CD99L2: variants seen among roughly 807,000 people sequenced by gnomAD.
CD99L2 encodes CD99 antigen-like protein 2.
A neutral mutation model predicts 27.3 loss-of-function variants in CD99L2; 24 were observed. The ratio of observed to expected loss-of-function variants is 0.88; its 90% CI spans 0.64 to 1.24. CD99L2 has a LOEUF of 1.24. Among genes scored for constraint, CD99L2 ranks in the 50% most tolerant of loss-of-function variants. The pLI, the probability that CD99L2 is intolerant of heterozygous loss-of-function variation, is 0.00. For synonymous variants in CD99L2, 97 were observed against 87.9 expected (o/e 1.10, Z -0.58); for missense variants, 255 against 221.6 (o/e 1.15, Z -0.96).
Position 150,814,844 on chromosome X carries a change from C to G in CD99L2, c.277+18G>C. On this transcript the variant is annotated intron_variant, in intron 4 of 10. Coordinates refer to ENST00000370377, the MANE Select transcript of CD99L2 (RefSeq NM_031462.4). ...ATGAGACAGAATCCTGTAGTAGTTT[C>G]AACCAGCAAAGACTTACCTCTTCCT... The G allele has an allele frequency of 8.5e-7, 1 of 1,172,770 alleles. No homozygotes were observed.
chrX:150,873,422 T>C (rs1251030834), intron 1 of CD99L2, among the ~76,000 whole-genome samples: 12 of 111,681 alleles, frequency 1.1e-4, no homozygotes, highest in Admixed American at 4.8e-4. Flanking sequence ...GGGACAAATA[T>C]GGAGTGACTG....
At chrX:150,769,658 G>GGA (rs2043383713) in intron 10 of CD99L2, among the ~76,000 whole-genome samples, 1 of 109,139 alleles carries the variant, frequency 9.2e-6, no homozygotes, top group South Asian at 3.7e-4. Context: ...ACTCGCCTGA[G>GGA]CTGTCCTAGT....
chrX:150,794,081 G>C (rs782814481), intron 6 of CD99L2, among the ~76,000 whole-genome samples: 3 of 111,571 alleles, frequency 2.7e-5, no homozygotes, highest in African/African-American at 9.8e-5. Context: ...CATCAAAAAG[G>C]AGATTATCCT....
At chrX:150,896,245 A>G (rs1557423084) in intron 1 of CD99L2, among the ~76,000 whole-genome samples, 4 of 109,517 alleles carry the variant, frequency 3.7e-5, no homozygotes. Flanking sequence ...TAAAAATACA[A>G]AAATTAGCCG....
chrX:150,804,952 G>A (rs782170333), intron 4 of CD99L2, among the ~76,000 whole-genome samples: 22 of 111,890 alleles, frequency 2.0e-4, no homozygotes, highest in Admixed American at 1.0e-3. Context: ...TTGGGAGGCC[G>A]AGGCAGGAGG....
At chrX:150,874,492 G>C (rs1166082159) in intron 1 of CD99L2, among the ~76,000 whole-genome samples, 1 of 107,403 alleles carries the variant, frequency 9.3e-6, no homozygotes, top group Non-Finnish European at 1.9e-5. Context: ...AGGAGTAAGA[G>C]GGTTCTGAGA....
At chrX:150,846,736 CCCAGTGCTTGATAAG>C (rs782156556) in intron 1 of CD99L2, among the ~76,000 whole-genome samples, 4 of 111,678 alleles carry the variant, frequency 3.6e-5, no homozygotes, top group African/African-American at 9.8e-5. Context: ...TCTAAACTCA[CCCAGTGCTTGATAAG>C]CCTTTAGATT....
At chrX:150,897,082 T>C (rs781924583) in intron 1 of CD99L2, among the ~76,000 whole-genome samples, 30 of 112,579 alleles carry the variant, frequency 2.7e-4, no homozygotes, top group Non-Finnish European at 2.4e-4. Context: ...ACTTTCAAGA[T>C]TTCCATGTCA....
chrX:150,892,465 G>A (rs2047530380), intron 1 of CD99L2, among the ~76,000 whole-genome samples: 3 of 106,993 alleles, frequency 2.8e-5, no homozygotes, highest in Admixed American at 1.0e-4. Flanking sequence ...AATTAGCCAG[G>A]TGTGGTGACA....
intron 1 of CD99L2, among the ~76,000 whole-genome samples, chrX:150,850,830 TTTTC>T (rs1364914517): frequency 1.8e-5 from 2 of 110,421 alleles, no homozygotes; most frequent in Non-Finnish European, 3.8e-5. Context: ...GAGTACTTTT[TTTTC>T]TTTCTTTTTT....
intron 1 of CD99L2, among the ~76,000 whole-genome samples, chrX:150,856,126 C>A (rs191609262): frequency 2.5e-4 from 28 of 112,974 alleles, no homozygotes; most frequent in Admixed American, 2.0e-3. Context: ...TGGCATCTGC[C>A]ATTTCCTGGG....
chrX:150,778,707 TATA>T (rs2045458171), intron 7 of CD99L2, among the ~76,000 whole-genome samples: 3 of 99,464 alleles, frequency 3.0e-5, no homozygotes, highest in Non-Finnish European at 6.0e-5. Flanking sequence ...TATATATATA[TATA>T]AATAAAAGAT....
chrX:150,836,446 GC>G (rs1276017763), intron 1 of CD99L2, among the ~76,000 whole-genome samples: 3 of 108,440 alleles, frequency 2.8e-5, no homozygotes, highest in Non-Finnish European at 5.8e-5. Context: ...TCCTGCCTCA[GC>G]CCCCCAAGTA....
In CD99L2 at chrX:150,789,625, C is replaced by T. The variant is rs782334410; in HGVS notation, c.496+4066G>A. Among the ~76,000 whole-genome samples the T allele has an allele frequency of 5.4e-5, 6 of 111,890 alleles. No individual in the cohort carries two copies. The South Asian group carries it at 1.5e-3, about 28-fold the overall frequency. On this transcript the variant is annotated intron_variant, in intron 7 of 10. Coordinates refer to ENST00000370377, the MANE Select transcript of CD99L2 (RefSeq NM_031462.4). ...TTATAGCTGGGCGCAACGGCTCCCA[C>T]GTGTATCCCAGCATATTGGGAGGCC...
chrX:150,829,628 G>T (rs782748608), intron 2 of CD99L2: 3 of 263,583 alleles, frequency 1.1e-5, no homozygotes, highest in Non-Finnish European at 7.2e-6. Context: ...ACATAGACAT[G>T]TTCTCTAAGG....
chrX:150,881,673 G>C (rs1221996246), intron 1 of CD99L2, among the ~76,000 whole-genome samples: 2 of 112,328 alleles, frequency 1.8e-5, no homozygotes, highest in Non-Finnish European at 3.8e-5. Context: ...CACATTGCAG[G>C]AGAAAGTCTT....
chrX:150,799,547 G>T (rs1374463398), intron 4 of CD99L2, among the ~76,000 whole-genome samples: 1 of 109,628 alleles, frequency 9.1e-6, no homozygotes, highest in Non-Finnish European at 1.9e-5. Flanking sequence ...CAAAAAAGTG[G>T]TTTTAAAATG....
chrX:150,813,293 A>T (rs939654971), intron 4 of CD99L2, among the ~76,000 whole-genome samples: 1 of 112,129 alleles, frequency 8.9e-6, no homozygotes, highest in Non-Finnish European at 1.9e-5. Flanking sequence ...ATATATGGCT[A>T]TGATAGTAGA....
chrX:150,845,730 C>G (rs2046691663), intron 1 of CD99L2, among the ~76,000 whole-genome samples: 1 of 111,961 alleles, frequency 8.9e-6, no homozygotes. Context: ...TACCTGATTA[C>G]TCCTCCTCCC....
Sources: gnomAD v4.1 joint callset for allele counts (sites outside exome capture counted in the v4.1 genomes callset) on GRCh38, gnomAD v4.1.1 for gene constraint, MANE v1.5 for transcripts, NCBI Gene and HGNC (gene_info 2026-07-23, HGNC 2026-07-21) for gene names.